NOC3L: variants seen among roughly 807,000 people sequenced by gnomAD.
The protein encoded by NOC3L is NOC3 like DNA replication regulator.
Under a neutral mutation model 102.5 loss-of-function variants are expected in NOC3L, and 85 were observed. That is an observed-to-expected ratio of 0.83 (90% CI 0.70 to 0.99). NOC3L has a LOEUF of 0.99. Ranked by LOEUF, NOC3L falls within the 50% of genes least tolerant of loss-of-function variation. The probability of loss-of-function intolerance (pLI) is 0.00; values close to 1 mark genes in which losing one functional copy is unlikely to be tolerated. For synonymous variants in NOC3L, 303 were observed against 309.4 expected (o/e 0.98, Z 0.22); for missense variants, 878 against 914.9 (o/e 0.96, Z 0.52).
chr10:94,322,061 T>C, the NOC3L span: 2 of 1,613,776 alleles, frequency 1.2e-6, no homozygotes, highest in Admixed American at 1.7e-5. Flanking sequence ...ATTCAGCAGG[T>C]AAAAGCCTCT....
chr10:94,347,518 TAAGTA>T (rs2054358765), intron 10 of NOC3L, among the ~76,000 whole-genome samples: 1 of 152,210 alleles, frequency 6.6e-6, no homozygotes. Flanking sequence ...TCTACAATTC[TAAGTA>T]AAGATGCTAA....
At chr10:94,343,813 C>T (rs2054313182) in intron 13 of NOC3L, among the ~76,000 whole-genome samples, 1 of 152,066 alleles carries the variant, frequency 6.6e-6, no homozygotes, top group Non-Finnish European at 1.5e-5. Context: ...ATTAATTTCA[C>T]CTGTTTCTTT....
rs1589577715 is a variant in NOC3L, at chr10:94,357,334, G to A, written c.351-3C>T. ...GTTTCTTCGCATGAACAGGCTCACT[G>A]CAGGGGAAAAAAAGATCAATTTTCA... On this transcript the variant is annotated splice_polypyrimidine_tract_variant and splice_region_variant and intron_variant, in intron 3 of 20. Coordinates refer to ENST00000371361, the MANE Select transcript of NOC3L (RefSeq NM_022451.11). 6.4e-7 allele frequency: 1 copy of A among 1,566,152 alleles called. No individual in the cohort carries two copies. Among genetic ancestry groups the A allele is most frequent in the Non-Finnish European group, 8.6e-7 (1 of 1,159,160 alleles).
rs2054321532 is a variant in NOC3L at position 94,344,505 on chromosome 10, G to A, written c.1481C>T (p.Thr494Ile). The A allele has an allele frequency of 1.9e-6, 3 of 1,611,368 alleles. No homozygotes were observed. The East Asian group carries it at 6.7e-5, about 36-fold the overall frequency. The change falls in exon 13 of 21, where the codon ACT (threonine) becomes ATT (isoleucine). Residue 494 changes from threonine to isoleucine, a missense_variant. Coordinates refer to ENST00000371361, the MANE Select transcript of NOC3L (RefSeq NM_022451.11). ...GTAGGTTACAAACACAATATTCAGA[G>A]TCTCTGTGTGCTGGCAGAGGAGACA... ...TEKKLKLHTE[T>I]LNIVFVTYFR...
At position 94,340,307 on chromosome 10, in the gene NOC3L, A is replaced by G. The variant is rs201972774; in HGVS notation, c.1749T>C (p.His583=). ...GTAATTTGAACAGTGTTTTGTAGAGATGTGTGTAGAATTTCAATGGATCAA... is the reference window on the plus strand; with the variant it reads ...GTAATTTGAACAGTGTTTTGTAGAGGTGTGTGTAGAATTTCAATGGATCAA... ...LNIDPLKFYT[H]LYKTLFKLHA... The change falls in exon 16 of 21, where the codon CAT becomes CAC. Residue 583 remains histidine, a synonymous_variant. Transcript: ENST00000371361. 351 of 1,612,720 alleles carry G rather than the reference A, an allele frequency of 2.2e-4. 2 individuals are homozygous for G. The highest frequency in any genetic ancestry group is 3.1e-5 in the Non-Finnish European group (37 of 1,179,372).
the NOC3L span, chr10:94,316,905 C>G: frequency 1.4e-6 from 1 of 705,020 alleles, no homozygotes; most frequent in Admixed American, 2.0e-5. Flanking sequence ...CAGTTTTATT[C>G]TTCTGCACAT....
At chr10:94,350,329 A>G in intron 8 of NOC3L, 41 bp from the exon 9 acceptor site, 1 of 1,561,668 alleles carries the variant, frequency 6.4e-7, no homozygotes, top group Non-Finnish European at 8.8e-7. Context: ...TCATTGGTCA[A>G]AAGTTAAACT....
At chr10:94,331,929 T>C (rs2133974536), downstream of NOC3L, 1 of 149,626 alleles carries the variant, frequency 6.7e-6, no homozygotes, top group East Asian at 2.0e-4. Context: ...TGGAGTGCAG[T>C]GGTACGATCT....
chr10:94,337,318 ATTTT>A (rs965241110), intron 19 of NOC3L, among the ~76,000 whole-genome samples: 1 of 142,642 alleles, frequency 7.0e-6, no homozygotes, highest in Admixed American at 7.2e-5. Context: ...CCCTCTCCTC[ATTTT>A]TTTTTTCTCC....
At chr10:94,358,648 C>T (rs540724401) in intron 2 of NOC3L, among the ~76,000 whole-genome samples, 74 of 152,338 alleles carry the variant, frequency 4.9e-4, no homozygotes, top group Admixed American at 6.5e-4. Context: ...TATTCCATTT[C>T]AGCCAGCCTC....
At chr10:94,316,727 G>C in the NOC3L span, 5 of 1,613,940 alleles carry the variant, frequency 3.1e-6, no homozygotes, top group South Asian at 5.5e-5. Context: ...GGGATACATG[G>C]GCAGGATTGT....
At chr10:94,315,864 C>A in the NOC3L span, among the ~76,000 whole-genome samples, 2 of 149,682 alleles carry the variant, frequency 1.3e-5, no homozygotes, top group Admixed American at 1.3e-4. Flanking sequence ...AACCATAAAA[C>A]AAAATTAAGA....
Position 94,349,255 on chromosome 10 carries a change from G to A in NOC3L, c.1252C>T (p.Pro418Ser), listed in dbSNP as rs1158053327. 3.2e-6 allele frequency: 5 copies of A among 1,567,088 alleles called. No individual in the cohort carries two copies. The highest frequency in any genetic ancestry group is 2.2e-5 in the Admixed American group (1 of 46,216). The change falls in exon 10 of 21, where the codon CCA becomes TCA. Residue 418 changes from proline to serine, a missense_variant. Pro to Ser is a moderately conservative substitution (Grantham distance 74). Transcript: ENST00000371361. ...FVKGRNYEVRPEMLKTFLCLR... is the reference protein window; with the variant it reads ...FVKGRNYEVRSEMLKTFLCLR... ...GTAAAAAAAAAAAGGCTCACCTCTG[G>A]CCTAACTTCGTAATTTCTGCCCTTC...
At chr10:94,335,445 A>T (rs1002426080) in intron 19 of NOC3L, among the ~76,000 whole-genome samples, 2 of 151,192 alleles carry the variant, frequency 1.3e-5, no homozygotes, top group Non-Finnish European at 3.0e-5. Flanking sequence ...TTTTCCTTTT[A>T]AAAAAAAAGG....
chr10:94,348,191 T>C (rs1267049191), intron 10 of NOC3L, among the ~76,000 whole-genome samples: 3 of 150,246 alleles, frequency 2.0e-5, no homozygotes, highest in African/African-American at 4.9e-5. Flanking sequence ...TAAACACAGA[T>C]ATTAAATCTG....
rs528469175 is a variant in NOC3L at position 94,359,461 on chromosome 10, A to C, written c.218-1246T>G. 1.8e-3 allele frequency among the ~76,000 whole-genome samples: 280 copies of C among 152,204 alleles called. 1 individual carries two copies. The highest frequency in any genetic ancestry group is 3.5e-3 in the Admixed American group (53 of 15,282). ...GTGAAACTCCGTCTCAAAAAAAAAA[A>C]CAAAAAAAGACCCTAGTAAATCTTG... On this transcript the variant is annotated intron_variant, in intron 2 of 20. Transcript: ENST00000371361.
chr10:94,324,120 G>GAC, the NOC3L span, among the ~76,000 whole-genome samples: 1 of 152,106 alleles, frequency 6.6e-6, no homozygotes, highest in Non-Finnish European at 1.5e-5. Context: ...CTGAAATTCA[G>GAC]GATAATAACA....
chr10:94,328,340 A>G, downstream of NOC3L: 1 of 163,384 alleles, frequency 6.1e-6, no homozygotes, highest in East Asian at 1.6e-4. Flanking sequence ...GACAACACAT[A>G]CATGAACGAA....
chr10:94,339,146 T>C (rs1371317695), intron 17 of NOC3L, among the ~76,000 whole-genome samples: 1 of 152,182 alleles, frequency 6.6e-6, no homozygotes, highest in South Asian at 2.1e-4. Context: ...CATTTGAATA[T>C]CACTTCTACC....
Sources: gnomAD v4.1 joint callset for allele counts (sites outside exome capture counted in the v4.1 genomes callset) on GRCh38, gnomAD v4.1.1 for gene constraint, MANE v1.5 for transcripts, NCBI Gene and HGNC (gene_info 2026-07-23, HGNC 2026-07-21) for gene names.